The following PIK3CA variants were observed in gnomAD, a reference collection of about 807,000 sequenced individuals.
PIK3CA encodes phosphatidylinositol-4,5-bisphosphate 3-kinase catalytic subunit alpha, also known as phosphatidylinositol 4,5-bisphosphate 3-kinase catalytic subunit alpha isoform.
Under a neutral mutation model 138.2 loss-of-function variants are expected in PIK3CA, and 27 were observed. The ratio of observed to expected loss-of-function variants is 0.20; its 90% CI spans 0.14 to 0.27. The LOEUF is 0.27. PIK3CA is among the 10% of genes least tolerant of loss of function. The pLI is 1.00. For synonymous variants in PIK3CA, 358 were observed against 413.2 expected, an observed-to-expected ratio of 0.87 and a Z score of 1.62; for missense variants, 544 against 1,277.4, an observed-to-expected ratio of 0.43 and a Z score of 8.75.
At chr3:179,154,458 A>G (rs1208056022) in intron 1 of PIK3CA, among the ~76,000 whole-genome samples, 1 of 152,150 alleles carries the variant, frequency 6.6e-6, no homozygotes, top group Non-Finnish European at 1.5e-5. Context: ...TCATCCCCAA[A>G]CCATCGCCCC....
At chr3:179,184,275 C>G (rs975234717) in intron 1 of PIK3CA, among the ~76,000 whole-genome samples, 1 of 152,192 alleles carries the variant, frequency 6.6e-6, no homozygotes, top group African/African-American at 2.4e-5. Flanking sequence ...CAGACAGTGT[C>G]ATTTGATTTT....
chr3:179,153,568 A>C (rs2108348876), intron 1 of PIK3CA, among the ~76,000 whole-genome samples: 1 of 152,338 alleles, frequency 6.6e-6, no homozygotes, highest in African/African-American at 2.4e-5. Context: ...AACATAAATG[A>C]ATTTTATGTT....
chr3:179,211,787 C>T (rs758095086), intron 9 of PIK3CA, among the ~76,000 whole-genome samples: 7 of 152,160 alleles, frequency 4.6e-5, no homozygotes, highest in Non-Finnish European at 7.3e-5. Flanking sequence ...GGATATTTTT[C>T]ATCATGTTTA....
At chr3:179,168,505 T>G (rs868404738) in intron 1 of PIK3CA, among the ~76,000 whole-genome samples, 23 of 152,296 alleles carry the variant, frequency 1.5e-4, no homozygotes, top group Middle Eastern at 3.4e-3. Flanking sequence ...AATCTAAACA[T>G]GTAAGTCTCT....
rs997239790 is a variant in PIK3CA at position 179,220,725 on chromosome 3, A to G, written c.2016-261A>G. On this transcript the variant is annotated intron_variant, in intron 13 of 20. Transcript: ENST00000263967. This position sits in a 1 kb window ranked among gnomAD's most constrained non-coding sequence, Gnocchi z 4.1. ...CAATTTCCTTTTTTCATGTTTTTAT[A>G]TCTTGTACTGAGATTAGTCAATGAA... Among the ~76,000 whole-genome samples, 1 of 151,996 alleles carries G rather than the reference A, an allele frequency of 6.6e-6. No homozygotes were observed. Among genetic ancestry groups the G allele is most frequent in the Admixed American group, 6.6e-5 (1 of 15,256 alleles).
chr3:179,162,268 C>T (rs1576914619), intron 1 of PIK3CA, among the ~76,000 whole-genome samples: 1 of 151,924 alleles, frequency 6.6e-6, no homozygotes, highest in Non-Finnish European at 1.5e-5. Context: ...CCATATTAAG[C>T]CATCTTTGCA....
At chr3:179,157,881 G>A (rs1239515279) in intron 1 of PIK3CA, among the ~76,000 whole-genome samples, 1 of 152,004 alleles carries the variant, frequency 6.6e-6, no homozygotes, top group Non-Finnish European at 1.5e-5. Flanking sequence ...CGGGTAATAC[G>A]TATTTCTTCA....
At chr3:179,154,591 A>G (rs1723088367) in intron 1 of PIK3CA, among the ~76,000 whole-genome samples, 1 of 152,108 alleles carries the variant, frequency 6.6e-6, no homozygotes, top group South Asian at 2.1e-4. Context: ...GTATATGTAT[A>G]TGGTGGGGGA....
At chr3:179,158,972 A>G (rs1476198948) in intron 1 of PIK3CA, among the ~76,000 whole-genome samples, 1 of 152,172 alleles carries the variant, frequency 6.6e-6, no homozygotes, top group African/African-American at 2.4e-5. Context: ...CTTGATGGTC[A>G]TGCAGGGTAA....
Position 179,234,406 on chromosome 3 carries a change from C to T in PIK3CA, c.*42C>T, listed in dbSNP as rs533217140. ...ATGAAAGCTCACTCTGGATTCCACA[C>T]TGCACTGTTAATAACTCTCAGCAGG... is the stretch of plus-strand genomic sequence containing the variant. On this transcript the variant is annotated 3_prime_UTR_variant, in exon 21 of 21. Transcript: ENST00000263967. This position sits in a 1 kb window ranked among gnomAD's most constrained non-coding sequence, Gnocchi z 5.1. 6.5e-7 allele frequency: 1 copy of T among 1,537,090 alleles called. No individual in the cohort carries two copies. The highest frequency in any genetic ancestry group is 8.8e-7 in the Non-Finnish European group (1 of 1,130,416).
rs772541813 is a variant in PIK3CA at position 179,230,728 on chromosome 3, T to C, written c.2936+352T>C. Among the ~76,000 whole-genome samples, 1 of 152,182 alleles carries C rather than the reference T, an allele frequency of 6.6e-6. No homozygotes were observed. The highest frequency in any genetic ancestry group is 1.5e-5 in the Non-Finnish European group (1 of 68,028). ...ATTATCACGCCACTGTACTCCAACCTGGGCAACAGAGTGAGACCCTGTATC... is the reference window on the plus strand; with the variant it reads ...ATTATCACGCCACTGTACTCCAACCCGGGCAACAGAGTGAGACCCTGTATC... On this transcript the variant is annotated intron_variant, in intron 20 of 20. Coordinates refer to ENST00000263967, the MANE Select transcript of PIK3CA (RefSeq NM_006218.4). This position sits in a 1 kb window ranked among gnomAD's most constrained non-coding sequence, Gnocchi z 5.4.
At chr3:179,216,973 G>A (rs1425446911) in intron 9 of PIK3CA, among the ~76,000 whole-genome samples, 1 of 151,726 alleles carries the variant, frequency 6.6e-6, no homozygotes, top group Non-Finnish European at 1.5e-5. Flanking sequence ...TCAAATCATG[G>A]TATTCATTCT....
At chr3:179,221,898 G>C (rs1394541334) in intron 14 of PIK3CA, among the ~76,000 whole-genome samples, 1 of 151,786 alleles carries the variant, frequency 6.6e-6, no homozygotes. Context: ...AGTAGAGACA[G>C]TGTTTCGCTT....
At chr3:179,155,531 AT>A (rs151235857) in intron 1 of PIK3CA, among the ~76,000 whole-genome samples, 7,663 of 152,046 alleles carry the variant, frequency 0.05, 251 homozygotes, top group Middle Eastern at 0.19. Context: ...GCATATACAG[AT>A]TTTTTTTGGT....
At chr3:179,203,236 G>A (rs1431544886) in intron 4 of PIK3CA, among the ~76,000 whole-genome samples, 4 of 152,126 alleles carry the variant, frequency 2.6e-5, no homozygotes, top group East Asian at 1.9e-4. Flanking sequence ...CACCACGCCC[G>A]GCCGTGATCC....
At chr3:179,186,726 C>T (rs971021678) in intron 1 of PIK3CA, among the ~76,000 whole-genome samples, 6 of 152,130 alleles carry the variant, frequency 3.9e-5, no homozygotes, top group African/African-American at 1.4e-4. Context: ...ACCATCAGGA[C>T]CTTTTCTCTT....
chr3:179,222,108 C>T (rs1352034586), intron 14 of PIK3CA, among the ~76,000 whole-genome samples: 2 of 151,672 alleles, frequency 1.3e-5, no homozygotes, highest in East Asian at 3.9e-4. Context: ...AAAGGAAGCT[C>T]ATTCCTCACC....
chr3:179,221,947 G>A (rs1724978553), intron 14 of PIK3CA, among the ~76,000 whole-genome samples: 2 of 151,720 alleles, frequency 1.3e-5, no homozygotes, highest in Admixed American at 1.3e-4. Flanking sequence ...GGCTCAAGCA[G>A]TCTGCCCACC....
chr3:179,168,747 T>A (rs964131085), intron 1 of PIK3CA, among the ~76,000 whole-genome samples: 5 of 152,180 alleles, frequency 3.3e-5, no homozygotes, highest in African/African-American at 7.2e-5. Context: ...ATTTTTATAT[T>A]GTGTTTGTTA....
Sources: allele counts gnomAD v4.1 joint callset (sites outside exome capture counted in the v4.1 genomes callset), GRCh38; gene constraint gnomAD v4.1.1; non-coding constraint Gnocchi (gnomAD v3.1); transcripts MANE v1.5; gene names NCBI Gene and HGNC (gene_info 2026-07-23, HGNC 2026-07-21).